Variants in PTPRD observed in about 807,000 individuals in gnomAD.
The protein encoded by PTPRD is receptor-type tyrosine-protein phosphatase delta.
In PTPRD, 34 loss-of-function variants were observed where a neutral mutation model predicts 214.5. That is an observed-to-expected ratio of 0.16 (90% CI 0.12 to 0.21). The LOEUF (loss-of-function observed/expected upper bound fraction) is 0.21, where lower values mean the gene tolerates loss of function less well. Ranked by LOEUF, PTPRD falls within the 10% of genes least tolerant of loss-of-function variation. The pLI, the probability that PTPRD is intolerant of heterozygous loss-of-function variation, is 1.00. For missense variants in PTPRD, 2,545 were observed against 2,398.7 expected, an observed-to-expected ratio of 1.06 and a Z score of -1.27; for synonymous variants, 1,128 against 845.7, an observed-to-expected ratio of 1.33 and a Z score of -5.79.
At chr9:9,897,902 C>A (rs554577410) in intron 5 of PTPRD, among the ~76,000 whole-genome samples, 1 of 152,014 alleles carries the variant, frequency 6.6e-6, no homozygotes, top group Non-Finnish European at 1.5e-5. Flanking sequence ...GTCAGACGGT[C>A]TCTGTTGCAA....
At chr9:9,661,286 C>T (rs1349780178) in intron 7 of PTPRD, among the ~76,000 whole-genome samples, 1 of 151,900 alleles carries the variant, frequency 6.6e-6, no homozygotes, top group African/African-American at 2.4e-5. Flanking sequence ...ATACTGGCCA[C>T]TACCCCAAAA....
chr9:8,929,771 A>G (rs62529102), intron 11 of PTPRD, among the ~76,000 whole-genome samples: 34 of 72,202 alleles, frequency 4.7e-4, no homozygotes, highest in South Asian at 3.3e-3. Flanking sequence ...ATATATGTGT[A>G]TATATATGGG....
chr9:10,151,802 G>T (rs1008117996), intron 3 of PTPRD, among the ~76,000 whole-genome samples: 2 of 152,064 alleles, frequency 1.3e-5, no homozygotes, highest in African/African-American at 2.4e-5. Context: ...GTTTTCTGTC[G>T]CTGTGGTTTT....
intron 5 of PTPRD, among the ~76,000 whole-genome samples, chr9:9,803,212 G>A (rs1344750353): frequency 2.0e-5 from 3 of 149,204 alleles, no homozygotes; most frequent in Non-Finnish European, 4.5e-5. Context: ...AAATACTAAT[G>A]TTACTTTCAC....
chr9:9,439,423 A>G (rs545550986), intron 8 of PTPRD, among the ~76,000 whole-genome samples: 45 of 152,266 alleles, frequency 3.0e-4, no homozygotes, highest in Non-Finnish European at 5.0e-4. Context: ...AGGACAACTG[A>G]TAAGGTGGAA....
intron 30 of PTPRD, among the ~76,000 whole-genome samples, chr9:8,475,907 C>T (rs980433295): frequency 9.9e-5 from 15 of 152,208 alleles, no homozygotes; most frequent in African/African-American, 3.4e-4. Context: ...CCGTCTAGTG[C>T]AGTCTCTGAA....
chr9:10,514,347 T>C (rs555194924), intron 2 of PTPRD, among the ~76,000 whole-genome samples: 4 of 151,652 alleles, frequency 2.6e-5, no homozygotes, highest in African/African-American at 9.7e-5. Context: ...ATTTAGAACT[T>C]TGATTGATAA....
chr9:8,324,295 C>G (rs1831379367), intron 44 of PTPRD, among the ~76,000 whole-genome samples: 1 of 152,112 alleles, frequency 6.6e-6, no homozygotes, highest in African/African-American at 2.4e-5. Context: ...GTTCGCTTCC[C>G]TGCGTCCACG....
At chr9:8,905,083 C>T (rs1219200938) in intron 11 of PTPRD, among the ~76,000 whole-genome samples, 1 of 152,150 alleles carries the variant, frequency 6.6e-6, no homozygotes, top group African/African-American at 2.4e-5. Flanking sequence ...TGAAAGAGAA[C>T]ATTGTCTACC....
chr9:9,181,969 C>T (rs918700113), intron 10 of PTPRD, among the ~76,000 whole-genome samples: 6 of 151,880 alleles, frequency 4.0e-5, no homozygotes, highest in Non-Finnish European at 7.4e-5. Flanking sequence ...ATTGCTGAAA[C>T]ATAAAGCAGA....
At chr9:9,079,937 A>C (rs1445287168) in intron 10 of PTPRD, among the ~76,000 whole-genome samples, 4 of 152,046 alleles carry the variant, frequency 2.6e-5, no homozygotes, top group Non-Finnish European at 1.5e-5. Flanking sequence ...ACTGATGTTT[A>C]ATATTTAAGT....
At chr9:9,940,188 G>C (rs759578305) in intron 4 of PTPRD, among the ~76,000 whole-genome samples, 3 of 152,138 alleles carry the variant, frequency 2.0e-5, no homozygotes, top group East Asian at 1.9e-4. Flanking sequence ...CAGATATATA[G>C]TGGGCCTCTT....
intron 3 of PTPRD, among the ~76,000 whole-genome samples, chr9:10,121,767 A>T (rs941476315): frequency 2.6e-5 from 4 of 152,168 alleles, no homozygotes; most frequent in Non-Finnish European, 5.9e-5. Flanking sequence ...GTATTTACGC[A>T]GACCCTTTGT....
chr9:10,541,330 T>C (rs887297335), intron 2 of PTPRD, among the ~76,000 whole-genome samples: 2 of 152,148 alleles, frequency 1.3e-5, no homozygotes, highest in Admixed American at 6.5e-5. Flanking sequence ...ACATATCCAA[T>C]TGACGGAACT....
chr9:9,515,650 A>T (rs1239751778), intron 8 of PTPRD, among the ~76,000 whole-genome samples: 2 of 151,964 alleles, frequency 1.3e-5, no homozygotes, highest in Non-Finnish European at 2.9e-5. Context: ...TATGTAAGGT[A>T]ATTATAAATT....
At chr9:9,859,247 CT>C (rs1426787979) in intron 5 of PTPRD, among the ~76,000 whole-genome samples, 1 of 152,170 alleles carries the variant, frequency 6.6e-6, no homozygotes, top group Non-Finnish European at 1.5e-5. Context: ...AATGAAACTT[CT>C]TTTGCTTATA....
chr9:8,436,361 A>G (rs7854171), intron 35 of PTPRD, among the ~76,000 whole-genome samples: 78,054 of 151,902 alleles, frequency 0.51, 20,257 homozygotes, highest in Non-Finnish European at 0.56. Context: ...CAGAAAATTC[A>G]TAATCTCAGC....
chr9:10,223,454 C>G (rs547754406), intron 3 of PTPRD, among the ~76,000 whole-genome samples: 193 of 151,842 alleles, frequency 1.3e-3, no homozygotes, highest in African/African-American at 4.3e-3. Flanking sequence ...CACTTGAGGC[C>G]AGGAGTTAGG....
rs77943089 is a variant in PTPRD at position 8,809,756 on chromosome 9, T to C, written c.-103-75810A>G. On this transcript the variant is annotated intron_variant, in intron 11 of 45. Transcript: ENST00000381196. ...CACTGCTGTCGAGAGCCAGTGTTCA[T>C]TGTATTATCAGTTTCAGCCTGATAA... Among the ~76,000 whole-genome samples, 436 of 152,296 alleles carry C rather than the reference T, an allele frequency of 2.9e-3. 6 individuals carry two copies. Among genetic ancestry groups the C allele is most frequent in the African/African-American group, 9.9e-3 (412 of 41,550 alleles).
Sources: gnomAD v4.1 joint callset for allele counts (sites outside exome capture counted in the v4.1 genomes callset) on GRCh38, gnomAD v4.1.1 for gene constraint, MANE v1.5 for transcripts, NCBI Gene and HGNC (gene_info 2026-07-23, HGNC 2026-07-21) for gene names.